The following PGD variants were observed in gnomAD, a reference collection of about 807,000 sequenced individuals.
PGD encodes 6-phosphogluconate dehydrogenase, decarboxylating.
Under a neutral mutation model 60.4 loss-of-function variants are expected in PGD, and 21 were observed. The observed-to-expected ratio is 0.35, with a 90% CI of 0.25 to 0.50. PGD has a LOEUF of 0.50. Among genes scored for constraint, PGD ranks in the 20% least tolerant of loss-of-function variants. The pLI is 0.98. For missense variants in PGD, 477 were observed against 613.1 expected (o/e 0.78, Z 2.34); for synonymous variants, 230 against 235.9 (o/e 0.97, Z 0.23).
At chr1:10,417,180 TGTG>T in intron 9 of PGD, 63 bp downstream of exon 9, 2 of 1,584,456 alleles carry the variant, frequency 1.3e-6, no homozygotes, top group Admixed American at 3.4e-5. Context: ...GGGTGGGGGT[TGTG>T]GTGGGAGAAC....
chr1:10,400,328 C>T (rs760374938), intron 2 of PGD, 65 bp from the exon 3 acceptor site: 1 of 1,262,444 alleles, frequency 7.9e-7, no homozygotes, highest in Non-Finnish European at 1.1e-6. Flanking sequence ...GTCATTGTTA[C>T]TTTGGCCACA....
At chr1:10,418,152 C>T (rs1469123971) in intron 10 of PGD, among the ~76,000 whole-genome samples, 5 of 152,218 alleles carry the variant, frequency 3.3e-5, no homozygotes, top group East Asian at 3.8e-4. Flanking sequence ...CTACACATGA[C>T]GTTACATCGT....
At position 10,399,428 on chromosome 1, in the gene PGD, G is replaced by T. The variant is rs1327753287; in HGVS notation, c.9-201G>T. The T allele has an allele frequency of 1.3e-5, 6 of 464,970 alleles. No homozygotes were observed. In the East Asian group the frequency reaches 2.2e-4, roughly 17 times the overall value. The allele number at this position is 464,970 out of a possible 1,614,324, so 28.8% of individuals were successfully genotyped here. On this transcript the variant is annotated intron_variant, in intron 1 of 12. Transcript: ENST00000270776. ...ACCTGCGGGACGCGTGCCAGCGGGAGCCGGGCGCGAGGGCGGGGCTGGGGG... is the reference window on the plus strand; with the variant it reads ...ACCTGCGGGACGCGTGCCAGCGGGATCCGGGCGCGAGGGCGGGGCTGGGGG...
rs778630896 is a variant in PGD at position 10,399,698 on chromosome 1, C to T, written c.78C>T (p.Gly26=). Residue 26 remains glycine, a synonymous_variant, in exon 2 of 13, where the codon GGC becomes GGT. Transcript: ENST00000270776. Reference sequence around the variant, plus strand: ...TAATTCTGAACATGAATGACCACGGCTTTGTGGTAAGCGGCGTGGGCGCGT... The same window carrying T: ...TAATTCTGAACATGAATGACCACGGTTTTGTGGTAAGCGGCGTGGGCGCGT... ...QNLILNMNDH[G]FVVCAFNRTV... 3.7e-5 allele frequency: 59 copies of T among 1,613,818 alleles called. No individual in the cohort carries two copies. The highest frequency in any genetic ancestry group is 5.0e-5 in the Non-Finnish European group (59 of 1,179,822).
chr1:10,408,852 C>T (rs1258542013), intron 6 of PGD, among the ~76,000 whole-genome samples: 1 of 152,228 alleles, frequency 6.6e-6, no homozygotes, highest in Non-Finnish European at 1.5e-5. Flanking sequence ...CTCAAGTCAT[C>T]TGCCTGCCTT....
At chr1:10,405,522 G>A (rs974974014) in intron 5 of PGD, among the ~76,000 whole-genome samples, 1 of 149,118 alleles carries the variant, frequency 6.7e-6, no homozygotes, top group Non-Finnish European at 1.5e-5. Flanking sequence ...TTACAGGCGT[G>A]AGCCACCGTG....
At chr1:10,400,341 C>G in intron 2 of PGD, 52 bp from the exon 3 acceptor site, 3 of 1,388,694 alleles carry the variant, frequency 2.2e-6, no homozygotes, top group Non-Finnish European at 3.0e-6. Flanking sequence ...TGGCCACAGT[C>G]TGAAAGTCTT....
intron 6 of PGD, among the ~76,000 whole-genome samples, chr1:10,410,793 A>C (rs1639486916): frequency 6.6e-6 from 1 of 152,030 alleles, no homozygotes; most frequent in African/African-American, 2.4e-5. Context: ...ATTAACGGGT[A>C]TTCTGATTTT....
chr1:10,402,818 T>C (rs11121563), intron 3 of PGD, among the ~76,000 whole-genome samples: 92,877 of 151,824 alleles, frequency 0.61, 30,815 homozygotes, highest in African/African-American at 0.89. Context: ...CCACCGCGCC[T>C]GGCCTACAAA....
At chr1:10,417,284 G>C in intron 9 of PGD, 92 bp from the exon 10 acceptor site, 1 of 1,457,710 alleles carries the variant, frequency 6.9e-7, no homozygotes, top group Non-Finnish European at 9.4e-7. Context: ...GGCCCTTCTG[G>C]GATCTCCACT....
At chr1:10,401,758 G>A (rs1206519056) in intron 3 of PGD, among the ~76,000 whole-genome samples, 1 of 152,176 alleles carries the variant, frequency 6.6e-6, no homozygotes, top group African/African-American at 2.4e-5. Context: ...GCTCACGCCT[G>A]TAATCCCAGC....
intron 5 of PGD, among the ~76,000 whole-genome samples, chr1:10,407,040 G>A (rs1255012216): frequency 6.6e-6 from 1 of 152,210 alleles, no homozygotes; most frequent in Non-Finnish European, 1.5e-5. Flanking sequence ...AGCCGGGTGC[G>A]ATGGCTTATG....
At chr1:10,406,817 C>T (rs1194791629) in intron 5 of PGD, among the ~76,000 whole-genome samples, 1 of 152,216 alleles carries the variant, frequency 6.6e-6, no homozygotes, top group Non-Finnish European at 1.5e-5. Flanking sequence ...CTCTCAAAAA[C>T]GCTGCCTGGT....
intron 1 of PGD, 22 bp downstream of exon 1, chr1:10,399,147 G>T (rs775479473): frequency 2.0e-5 from 32 of 1,607,648 alleles, no homozygotes; most frequent in African/African-American, 1.3e-5. Flanking sequence ...GCCAGGGGCA[G>T]CCCGGCTCGG....
intron 3 of PGD, among the ~76,000 whole-genome samples, chr1:10,401,418 CT>C (rs1639314443): frequency 6.6e-6 from 1 of 152,154 alleles, no homozygotes; most frequent in Non-Finnish European, 1.5e-5. Flanking sequence ...AAATGTTTTG[CT>C]GTAAGCAGTG....
chr1:10,419,863 G>A lies in PGD; in HGVS notation c.*114G>A. ...TTCTGTTCAGTTTTTTAAAAGTGTT[G>A]TAAGAGACTCCTGAGGAAGACACAC... On this transcript the variant is annotated 3_prime_UTR_variant, in exon 13 of 13. Coordinates refer to ENST00000270776, the MANE Select transcript of PGD (RefSeq NM_002631.4). 8.0e-7 allele frequency: 1 copy of A among 1,243,784 alleles called. No homozygotes were observed. Among genetic ancestry groups the A allele is most frequent in the Non-Finnish European group, 1.1e-6 (1 of 878,576 alleles). The allele number at this position is 1,243,784 out of a possible 1,614,324, so 77.0% of individuals were successfully genotyped here. A position where few individuals can be genotyped will look rare whatever the true frequency, so the allele number is the denominator to read the frequency against.
At chr1:10,399,188 G>A (rs939413319) in intron 1 of PGD, 63 bp downstream of exon 1, 53 of 1,576,882 alleles carry the variant, frequency 3.4e-5, no homozygotes, top group Non-Finnish European at 4.4e-5. Flanking sequence ...TTTGGGGGTC[G>A]AGATCTCCCT....
At chr1:10,419,582 G>C in intron 12 of PGD, 43 bp downstream of exon 12, 2 of 1,614,090 alleles carry the variant, frequency 1.2e-6, no homozygotes, top group Non-Finnish European at 1.7e-6. Context: ...GCCCCTCGGG[G>C]GCGTGCGCCA....
At position 10,413,161 on chromosome 1, in the gene PGD, C is replaced by A; in HGVS notation, c.754C>A (p.Pro252Thr). 1 of 1,614,050 alleles carries A rather than the reference C, an allele frequency of 6.2e-7. No homozygotes were observed. Among genetic ancestry groups the A allele is most frequent in the East Asian group, 2.2e-5 (1 of 44,900 alleles). Reference sequence around the variant, plus strand: ...AGACACCGATGGCAAACACCTGCTGCCAAAGATCAGGGACAGCGCGGGGCA... The same window carrying A: ...AGACACCGATGGCAAACACCTGCTGACAAAGATCAGGGACAGCGCGGGGCA... ...FQDTDGKHLL[P>T]KIRDSAGQKG... Residue 252 changes from proline (P) to threonine (T), a missense_variant, in exon 8 of 13, where the codon CCA becomes ACA. Pro to Thr is a conservative substitution (Grantham distance 38, BLOSUM62 -1). This residue lies in a region of PGD where 431 missense variants were observed against 556.6 expected (regional missense o/e 0.77). Coordinates refer to ENST00000270776, the MANE Select transcript of PGD (RefSeq NM_002631.4).
Sources: gnomAD v4.1 joint callset for allele counts (sites outside exome capture counted in the v4.1 genomes callset) on GRCh38, gnomAD v4.1.1 for gene constraint, gnomAD v4.1.1 regional missense constraint, MANE v1.5 for transcripts, NCBI Gene and HGNC (gene_info 2026-07-23, HGNC 2026-07-21) for gene names.